The following CACYBP variants were observed in gnomAD, a reference collection of about 807,000 sequenced individuals.
CACYBP encodes the protein calcyclin-binding protein.
A neutral mutation model predicts 29.6 loss-of-function variants in CACYBP; 11 were observed. The ratio of observed to expected loss-of-function variants is 0.37; its 90% confidence interval spans 0.23 to 0.61. The LOEUF is 0.61. Among genes scored for constraint, CACYBP ranks in the 20% least tolerant of loss-of-function variants. The pLI is 0.65. For missense variants in CACYBP, 163 were observed against 260.7 expected (o/e 0.63, Z 2.58); for synonymous variants, 73 against 88.3 (o/e 0.83, Z 0.97).
intron 1 of CACYBP, among the ~76,000 whole-genome samples, chr1:175,002,596 G>T (rs1416964826): frequency 1.3e-5 from 2 of 152,172 alleles, no homozygotes; most frequent in East Asian, 3.8e-4. Flanking sequence ...AGAAGGCAAG[G>T]AAAATTACAT....
In CACYBP at chr1:175,010,168, T is replaced by C; in HGVS notation, c.*89T>C. On this transcript the variant is annotated 3_prime_UTR_variant, in exon 6 of 6. Transcript: ENST00000367679. ...ATATTGGTGAGCTGCATATATAAAT[T>C]TGACAGATAGCTATTTACATAGCCT... 9.3e-7 allele frequency: 1 copy of C among 1,074,560 alleles called. No individual in the cohort carries two copies. The highest frequency in any genetic ancestry group is 1.4e-6 in the Non-Finnish European group (1 of 734,300). The allele number at this position is 1,074,560 out of a possible 1,614,324, so 66.6% of individuals were successfully genotyped here.
intron 1 of CACYBP, 51 bp downstream of exon 1, chr1:175,000,246 G>C (rs974083775): frequency 8.9e-6 from 14 of 1,564,820 alleles, no homozygotes; most frequent in Non-Finnish European, 1.2e-5. Context: ...GAGCTGCAGC[G>C]CCAGCCTCCC....
In CACYBP at chr1:175,011,095, A is replaced by G. The variant is rs939821890; in HGVS notation, c.*1016A>G. 4 of 137,898 alleles carry G rather than the reference A, an allele frequency of 2.9e-5. No homozygotes were observed. The highest frequency in any genetic ancestry group is 1.5e-4 in the Admixed American group (2 of 13,116). 8.5% of individuals were successfully genotyped at this position (137,898 alleles called of 1,614,324 possible). On this transcript the variant is annotated 3_prime_UTR_variant, in exon 6 of 6. Transcript: ENST00000367679. ...CTGCAGCTTGGGTAACAGATTGAGA[A>G]CCTGTCTCATTAAAAAAAAAAAAAA...
intron 4 of CACYBP, 119 bp downstream of exon 4, chr1:175,007,316 T>C: frequency 3.1e-6 from 2 of 641,300 alleles, no homozygotes; most frequent in South Asian, 3.9e-5. Context: ...ACCGCCTGTT[T>C]TGTGAATGTT....
intron 2 of CACYBP, among the ~76,000 whole-genome samples, chr1:175,006,220 G>C (rs1027780521): frequency 1.3e-5 from 2 of 152,124 alleles, no homozygotes; most frequent in African/African-American, 4.8e-5. Context: ...GATACCAGTA[G>C]GTTTGTCAGA....
chr1:175,005,564 AAGG>A (rs1026673052), intron 2 of CACYBP, among the ~76,000 whole-genome samples: 17 of 152,186 alleles, frequency 1.1e-4, no homozygotes, highest in Non-Finnish European at 1.6e-4. Flanking sequence ...GCAAGTCAAA[AAGG>A]AGGGGAACAG....
At chr1:175,000,346 T>A in intron 1 of CACYBP, 151 bp downstream of exon 1, 1 of 1,441,334 alleles carries the variant, frequency 6.9e-7, no homozygotes, top group Non-Finnish European at 9.1e-7. Context: ...GACACCTCAC[T>A]CGCCCCTTGC....
chr1:175,010,729 T>TAACC lies in CACYBP; in HGVS notation c.*652_*655dup, dbSNP rs1672729252. ...TGGATCAGATGGTTTATAAAAGTAATAACCATAAAGCAAAAAATAATTTGA... is the reference window on the plus strand; with the variant it reads ...TGGATCAGATGGTTTATAAAAGTAATAACCAACCATAAAGCAAAAAATAATTTGA... On this transcript the variant is annotated 3_prime_UTR_variant, in exon 6 of 6. Transcript: ENST00000367679. 2 of 152,290 alleles carry TAACC rather than the reference T, an allele frequency of 1.3e-5. No individual in the cohort carries two copies. Among genetic ancestry groups the TAACC allele is most frequent in the East Asian group, 1.9e-4 (1 of 5,186 alleles). The allele number at this position is 152,290 out of a possible 1,614,324, so 9.4% of individuals were successfully genotyped here. A position where few individuals can be genotyped will look rare whatever the true frequency, so the allele number is the denominator to read the frequency against.
Position 175,010,012 on chromosome 1 carries a change from A to C in CACYBP, c.620A>C (p.Lys207Thr). The C allele has an allele frequency of 6.2e-7, 1 of 1,613,750 alleles. No individual in the cohort carries two copies. Among genetic ancestry groups the C allele is most frequent in the Non-Finnish European group, 8.5e-7 (1 of 1,179,690 alleles). The change falls in exon 6 of 6, where the codon AAG becomes ACG. Residue 207 changes from lysine to threonine, a missense_variant. Transcript: ENST00000367679. ...KIYEDGDDDMKRTINKAWVES... is the reference protein window; with the variant it reads ...KIYEDGDDDMTRTINKAWVES... ...TATGAAGATGGAGACGATGATATGA[A>C]GCGAACCATTAATAAAGCCTGGGTG...
Position 175,011,106 on chromosome 1 carries a change from T to TAAAAAAAAAAAAAAAAAAAAAAAAAA in CACYBP, c.*1048_*1049insAAAAAAAAAAAAAAAAAAAAAAAAAA, listed in dbSNP as rs535813233. 1 of 85,222 alleles carries TAAAAAAAAAAAAAAAAAAAAAAAAAA rather than the reference T, an allele frequency of 1.2e-5. No individual in the cohort carries two copies. The highest frequency in any genetic ancestry group is 2.3e-5 in the Non-Finnish European group (1 of 43,032). The allele number at this position is 85,222 out of a possible 1,614,324, so 5.3% of individuals were successfully genotyped here. On this transcript the variant is annotated 3_prime_UTR_variant, in exon 6 of 6. Transcript: ENST00000367679. Reference sequence around the variant, plus strand: ...GTAACAGATTGAGAACCTGTCTCATTAAAAAAAAAAAAAAAAAAAAAGCCG... The same window carrying TAAAAAAAAAAAAAAAAAAAAAAAAAA: ...GTAACAGATTGAGAACCTGTCTCATTAAAAAAAAAAAAAAAAAAAAAAAAAAAAAAAAAAAAAAAAAAAAAAAGCCG...
At position 175,000,148 on chromosome 1, in the gene CACYBP, T is replaced by G. The variant is rs756674983; in HGVS notation, c.-33T>G. The G allele has an allele frequency of 6.3e-7, 1 of 1,599,488 alleles. No homozygotes were observed. The highest frequency in any genetic ancestry group is 8.5e-7 in the Non-Finnish European group (1 of 1,172,928). ...TTTCCTGTTCCTCCTTCTGCGCGGC[T>G]GCAGCTCGGGACTTCGGCCTGACCC... On this transcript the variant is annotated 5_prime_UTR_variant, in exon 1 of 6. Transcript: ENST00000367679.
rs531218339 is a variant in CACYBP, at chr1:175,000,514, G to A, written c.15+319G>A. Reference sequence around the variant, plus strand: ...TGTTCCTCAGGCCCTTTCTGCCCTGGTTTCCCAGCCAGTGGACAGGAAGCT... The same window carrying A: ...TGTTCCTCAGGCCCTTTCTGCCCTGATTTCCCAGCCAGTGGACAGGAAGCT... On this transcript the variant is annotated intron_variant, in intron 1 of 5. Coordinates refer to ENST00000367679, the MANE Select transcript of CACYBP (RefSeq NM_014412.3). 1.7e-4 allele frequency: 217 copies of A among 1,273,266 alleles called. No homozygotes were observed. In the African/African-American group the frequency reaches 2.9e-3, roughly 17 times the overall value. 78.9% of individuals were successfully genotyped at this position (1,273,266 alleles called of 1,614,324 possible).
Position 174,999,965 on chromosome 1 carries a change from G to T in CACYBP, c.-216G>T. On this transcript the variant is annotated 5_prime_UTR_variant, in exon 1 of 6. Coordinates refer to ENST00000367679, the MANE Select transcript of CACYBP (RefSeq NM_014412.3). Reference sequence around the variant, plus strand: ...CAGGCTTGGCGGGCTGTGCGTGCTCGCGGTGGGCGGTGGCGGCGGCTGCCT... The same window carrying T: ...CAGGCTTGGCGGGCTGTGCGTGCTCTCGGTGGGCGGTGGCGGCGGCTGCCT... 1.6e-6 allele frequency: 1 copy of T among 635,226 alleles called. No homozygotes were observed. The highest frequency in any genetic ancestry group is 1.9e-5 in the South Asian group (1 of 51,622). 39.3% of individuals were successfully genotyped at this position (635,226 alleles called of 1,614,324 possible). A position where few individuals can be genotyped will look rare whatever the true frequency, so the allele number is the denominator to read the frequency against.
chr1:174,999,521 CT>C (rs1672402218), upstream of CACYBP: 1 of 157,958 alleles, frequency 6.3e-6, no homozygotes, highest in African/African-American at 2.4e-5. Context: ...CATATCCGTT[CT>C]TTCTCGTTTG....
In CACYBP at chr1:175,000,054, G is replaced by T. The variant is rs1672424649; in HGVS notation, c.-127G>T. The T allele has an allele frequency of 1.5e-6, 2 of 1,344,362 alleles. No individual in the cohort carries two copies. The highest frequency in any genetic ancestry group is 2.1e-6 in the Non-Finnish European group (2 of 962,542). The allele number at this position is 1,344,362 out of a possible 1,614,324, so 83.3% of individuals were successfully genotyped here. ...CGCGATCTTGCGCAGGGTCGGTGTG[G>T]GCGCAGGCTGCAGCGCCGCGACTCG... On this transcript the variant is annotated 5_prime_UTR_variant, in exon 1 of 6. Transcript: ENST00000367679.
chr1:175,002,765 T>A (rs1672524379), intron 1 of CACYBP, among the ~76,000 whole-genome samples: 1 of 152,184 alleles, frequency 6.6e-6, no homozygotes, highest in Admixed American at 6.5e-5. Context: ...AAAGAGTACT[T>A]TAGAGTCAAA....
At chr1:175,009,623 G>A (rs1442842660) in intron 5 of CACYBP, among the ~76,000 whole-genome samples, 2 of 135,004 alleles carry the variant, frequency 1.5e-5, no homozygotes, top group Non-Finnish European at 3.1e-5. Flanking sequence ...TCCAGCCTGG[G>A]CAACAGAGCA....
chr1:175,009,881 T>C, intron 5 of CACYBP, 42 bp from the exon 6 acceptor site: 5 of 1,528,664 alleles, frequency 3.3e-6, no homozygotes, highest in Non-Finnish European at 4.5e-6. Context: ...TATCTTCCGG[T>C]GCTTTCGTTT....
rs1017505418 is a variant in CACYBP at position 175,000,044 on chromosome 1, G to C, written c.-137G>C. 22 of 1,251,926 alleles carry C rather than the reference G, an allele frequency of 1.8e-5. No individual in the cohort carries two copies. Among genetic ancestry groups the C allele is most frequent in the Non-Finnish European group, 2.5e-5 (22 of 880,636 alleles). 77.6% of individuals were successfully genotyped at this position (1,251,926 alleles called of 1,614,324 possible). Reference sequence around the variant, plus strand: ...GGAGGCGGGCCGCGATCTTGCGCAGGGTCGGTGTGGGCGCAGGCTGCAGCG... The same window carrying C: ...GGAGGCGGGCCGCGATCTTGCGCAGCGTCGGTGTGGGCGCAGGCTGCAGCG... On this transcript the variant is annotated 5_prime_UTR_variant, in exon 1 of 6. Coordinates refer to ENST00000367679, the MANE Select transcript of CACYBP (RefSeq NM_014412.3).
Sources: gnomAD v4.1 joint callset for allele counts (sites outside exome capture counted in the v4.1 genomes callset) on GRCh38, gnomAD v4.1.1 for gene constraint, MANE v1.5 for transcripts, NCBI Gene and HGNC (gene_info 2026-07-23, HGNC 2026-07-21) for gene names.